Variants in PICALM observed in about 807,000 individuals in gnomAD.
The protein encoded by PICALM is phosphatidylinositol-binding clathrin assembly protein.
PICALM carries 40 observed loss-of-function variants against 80.5 expected under a neutral mutation model. The observed-to-expected ratio is 0.50, with a 90% CI of 0.39 to 0.65. The LOEUF (loss-of-function observed/expected upper bound fraction) is 0.65. PICALM is among the 30% of genes least tolerant of loss of function. The pLI is 0.00. For missense variants in PICALM, 676 were observed against 778.9 expected, an observed-to-expected ratio of 0.87 and a Z score of 1.57; for synonymous variants, 288 against 260.3, an observed-to-expected ratio of 1.11 and a Z score of -1.02.
chr11:86,012,398 G>A lies in PICALM; in HGVS notation c.547-6C>T. On this transcript the variant is annotated splice_region_variant and splice_polypyrimidine_tract_variant and intron_variant, in intron 5 of 19. Transcript: ENST00000393346. ...GTAAGTTCATTGCTATTAACCTAGG[G>A]AAAAATTGGAAAATAAAATTAGCTA... 6.7e-7 allele frequency: 1 copy of A among 1,482,330 alleles called. No homozygotes were observed. Among genetic ancestry groups the A allele is most frequent in the Non-Finnish European group, 9.4e-7 (1 of 1,066,136 alleles). 91.8% of individuals were successfully genotyped at this position (1,482,330 alleles called of 1,614,324 possible). A position where few individuals can be genotyped will look rare whatever the true frequency, so the allele number is the denominator to read the frequency against.
Position 85,976,671 on chromosome 11 carries a change from T to C in PICALM, c.1791A>G (p.Val597=). 1 of 1,595,940 alleles carries C rather than the reference T, an allele frequency of 6.3e-7. No individual in the cohort carries two copies. Among genetic ancestry groups the C allele is most frequent in the Non-Finnish European group, 8.6e-7 (1 of 1,163,680 alleles). Reference sequence around the variant, plus strand: ...TTGGTGTAGTAGCAGGATAGGCCATTACAGGGGGTGCCTAACATAGTGAAA... The same window carrying C: ...TTGGTGTAGTAGCAGGATAGGCCATCACAGGGGGTGCCTAACATAGTGAAA... ...AWNAATMAPP[V]MAYPATTPTG... Residue 597 remains valine (V), a synonymous_variant, in exon 18 of 20, where the codon GTA becomes GTG. Transcript: ENST00000393346.
chr11:86,043,202 C>A (rs1009928088), intron 1 of PICALM, among the ~76,000 whole-genome samples: 1 of 152,216 alleles, frequency 6.6e-6, no homozygotes, highest in Admixed American at 6.5e-5. Context: ...ATTCACAGTG[C>A]ATTTGCATTT....
intron 1 of PICALM, among the ~76,000 whole-genome samples, chr11:86,039,835 C>T (rs1309664448): frequency 6.6e-6 from 1 of 151,696 alleles, no homozygotes; most frequent in Non-Finnish European, 1.5e-5. Flanking sequence ...AATCCCATCT[C>T]TACTAAAAAT....
At chr11:85,962,535 C>T (rs918938222) in intron 19 of PICALM, among the ~76,000 whole-genome samples, 2 of 152,154 alleles carry the variant, frequency 1.3e-5, no homozygotes, top group African/African-American at 2.4e-5. Context: ...ACGGAAGAGA[C>T]AAATCTATTT....
At chr11:85,977,123 A>G (rs913566474) in intron 17 of PICALM, 8 of 153,388 alleles carry the variant, frequency 5.2e-5, no homozygotes, top group African/African-American at 1.9e-4. Flanking sequence ...AAAGATCTCA[A>G]ATCAATCAAT....
intron 17 of PICALM, 129 bp from the exon 18 acceptor site, chr11:85,976,811 A>C: frequency 1.6e-6 from 1 of 617,314 alleles, no homozygotes; most frequent in Non-Finnish European, 3.0e-6. Flanking sequence ...GACACTTGTG[A>C]TCATTAAGAA....
chr11:85,999,306 A>T (rs1285192616), intron 11 of PICALM, among the ~76,000 whole-genome samples: 1 of 152,244 alleles, frequency 6.6e-6, no homozygotes, highest in Non-Finnish European at 1.5e-5. Context: ...ATACAATAAT[A>T]ATTCTGTAAA....
intron 1 of PICALM, among the ~76,000 whole-genome samples, chr11:86,048,641 G>C (rs2096120196): frequency 6.6e-6 from 1 of 151,220 alleles, no homozygotes; most frequent in African/African-American, 2.4e-5. Context: ...AGACCATCCT[G>C]GCCAACATGG....
chr11:86,005,731 A>C (rs1171802182), intron 8 of PICALM, among the ~76,000 whole-genome samples: 1 of 152,084 alleles, frequency 6.6e-6, no homozygotes, highest in East Asian at 1.9e-4. Context: ...ACAAAACCCA[A>C]AGAGTGAAGA....
rs377370233 is a variant in PICALM at position 85,981,167 on chromosome 11, T to C, written c.1741A>G (p.Lys581Glu). 2 of 1,608,436 alleles carry C rather than the reference T, an allele frequency of 1.2e-6. No individual in the cohort carries two copies. Among genetic ancestry groups the C allele is most frequent in the Non-Finnish European group, 1.7e-6 (2 of 1,174,914 alleles). The change falls in exon 17 of 20, where the codon AAG becomes GAG. Residue 581 changes from lysine to glutamate, a missense_variant. Physicochemically the swap from Lys to Glu is moderately conservative, Grantham distance 56. Transcript: ENST00000393346. ...KLTGGSNWQP[K>E]VAPTTAWNAA... ...TTCCAAGCGGTTGTTGGTGCAACCT[T>C]TGGTTGCCAGTTAGATCCCCCAGTT...
chr11:85,978,297 C>A, intron 17 of PICALM: 1 of 455,150 alleles, frequency 2.2e-6, no homozygotes, highest in Non-Finnish European at 4.0e-6. Flanking sequence ...TAGTCTTTGG[C>A]CTCATCTCTT....
At chr11:86,035,345 C>G (rs985293284) in intron 1 of PICALM, among the ~76,000 whole-genome samples, 1 of 152,144 alleles carries the variant, frequency 6.6e-6, no homozygotes, top group Non-Finnish European at 1.5e-5. Flanking sequence ...AGTCAGGCAA[C>G]CCAGCCAGTG....
intron 1 of PICALM, among the ~76,000 whole-genome samples, chr11:86,065,186 G>A (rs755699374): frequency 2.6e-5 from 4 of 152,004 alleles, no homozygotes; most frequent in Non-Finnish European, 5.9e-5. Flanking sequence ...TGGCTCACAC[G>A]TCTGTAATCC....
rs766728047 is a variant in PICALM, at chr11:86,050,204, C to CAAA, written c.130+18444_130+18446dup. Among the ~76,000 whole-genome samples the CAAA allele has an allele frequency of 1.3e-3, 104 of 81,704 alleles. 3 individuals carry two copies. The highest frequency in any genetic ancestry group is 2.9e-3 in the African/African-American group (54 of 18,836). The allele number at this position is 81,704 out of a possible 152,430, so 53.6% of individuals were successfully genotyped here. A position where few individuals can be genotyped will look rare whatever the true frequency, so the allele number is the denominator to read the frequency against. On this transcript the variant is annotated intron_variant, in intron 1 of 19. Coordinates refer to ENST00000393346, the MANE Select transcript of PICALM (RefSeq NM_007166.4). ...TGGGCAACAGAGCAAGACTCTGTCT[C>CAAA]AAAAAAAAAAAAAAAAAAAAACTAT...
chr11:85,965,179 C>G (rs982957275), intron 19 of PICALM, among the ~76,000 whole-genome samples: 4 of 152,066 alleles, frequency 2.6e-5, no homozygotes, highest in Non-Finnish European at 5.9e-5. Flanking sequence ...CCCTTTTGTT[C>G]TCTCTCTGCC....
At chr11:86,014,561 AT>A (rs2095450150) in intron 5 of PICALM, among the ~76,000 whole-genome samples, 1 of 152,216 alleles carries the variant, frequency 6.6e-6, no homozygotes, top group African/African-American at 2.4e-5. Context: ...TATTTAAAAA[AT>A]ATCCCTGTAC....
intron 17 of PICALM, chr11:85,978,810 A>G (rs1292076771): frequency 6.6e-6 from 1 of 152,218 alleles, no homozygotes; most frequent in Non-Finnish European, 1.5e-5. Flanking sequence ...GCTATCTATG[A>G]ACTCCTAATA....
intron 19 of PICALM, among the ~76,000 whole-genome samples, chr11:85,967,247 A>G (rs1395278244): frequency 2.0e-5 from 3 of 152,344 alleles, no homozygotes; most frequent in African/African-American, 7.2e-5. Flanking sequence ...ATACATTCCC[A>G]TTCTTTCTGT....
Position 86,035,545 on chromosome 11 carries a change from A to G in PICALM, c.131-3934T>C, listed in dbSNP as rs190858443. ...AGCCAAACACAGTAATACATATAAA[A>G]TTTAGTAATCCCTTTCAAAAAGGTC... On this transcript the variant is annotated intron_variant, in intron 1 of 19. Transcript: ENST00000393346. Among the ~76,000 whole-genome samples the G allele has an allele frequency of 7.9e-5, 12 of 152,312 alleles. No homozygotes were observed. In the East Asian group the frequency reaches 2.3e-3, roughly 29 times the overall value.
Sources: gnomAD v4.1 joint callset for allele counts (sites outside exome capture counted in the v4.1 genomes callset) on GRCh38, gnomAD v4.1.1 for gene constraint, MANE v1.5 for transcripts, NCBI Gene and HGNC (gene_info 2026-07-23, HGNC 2026-07-21) for gene names.